FHOD3: variants seen among roughly 807,000 people sequenced by gnomAD.
FHOD3 encodes the protein formin homology 2 domain containing 3.
FHOD3 carries 90 observed loss-of-function variants against 173.0 expected under a neutral mutation model. The observed-to-expected ratio is 0.52, with a 90% CI of 0.44 to 0.62. The LOEUF (loss-of-function observed/expected upper bound fraction) is 0.62, where lower values mean the gene tolerates loss of function less well. FHOD3 is among the 20% of genes least tolerant of loss of function. FHOD3 has a pLI of 0.00. For synonymous variants in FHOD3, 828 were observed against 823.0 expected (o/e 1.01, Z -0.10); for missense variants, 1,945 against 2,034.7 (o/e 0.96, Z 0.85).
intron 5 of FHOD3, among the ~76,000 whole-genome samples, chr18:36,530,916 T>G (rs1266412253): frequency 6.6e-6 from 1 of 152,160 alleles, no homozygotes; most frequent in African/African-American, 2.4e-5. Context: ...AGTGACTGTG[T>G]GACTGAGATG....
At chr18:36,702,463 C>T (rs2039643114) in intron 17 of FHOD3, among the ~76,000 whole-genome samples, 1 of 152,152 alleles carries the variant, frequency 6.6e-6, no homozygotes, top group African/African-American at 2.4e-5. Context: ...TTTCAGATTT[C>T]TGTGATTAAA....
intron 3 of FHOD3, among the ~76,000 whole-genome samples, chr18:36,447,951 A>G (rs2051595022): frequency 6.6e-6 from 1 of 152,202 alleles, no homozygotes; most frequent in South Asian, 2.1e-4. Flanking sequence ...AGGAGACAGG[A>G]GGACTGGGGA....
At chr18:36,333,004 T>G (rs1568133870) in intron 1 of FHOD3, among the ~76,000 whole-genome samples, 1 of 152,252 alleles carries the variant, frequency 6.6e-6, no homozygotes, top group Non-Finnish European at 1.5e-5. Context: ...GCCTCATTCA[T>G]GTTTGCTATG....
At chr18:36,555,069 C>T (rs542785649) in intron 5 of FHOD3, among the ~76,000 whole-genome samples, 61 of 151,940 alleles carry the variant, frequency 4.0e-4, no homozygotes, top group Non-Finnish European at 7.2e-4. Context: ...TATTATTACC[C>T]GTATTTTGTG....
At chr18:36,472,616 CTG>C (rs1372017751) in intron 3 of FHOD3, among the ~76,000 whole-genome samples, 2 of 152,184 alleles carry the variant, frequency 1.3e-5, no homozygotes, top group African/African-American at 4.8e-5. Context: ...ACTTCTGTCT[CTG>C]TGCTTTTGCC....
chr18:36,346,056 T>A (rs1210765527), intron 1 of FHOD3, among the ~76,000 whole-genome samples: 1 of 152,164 alleles, frequency 6.6e-6, no homozygotes, highest in Non-Finnish European at 1.5e-5. Flanking sequence ...TTTTTAGACA[T>A]AACACGTTAA....
At position 36,392,392 on chromosome 18, in the gene FHOD3, T is replaced by G. The variant is rs2048343995; in HGVS notation, c.337+19648T>G. Among the ~76,000 whole-genome samples the G allele has an allele frequency of 2.0e-5, 3 of 151,892 alleles. No homozygotes were observed. In the South Asian group the frequency reaches 6.2e-4, roughly 32 times the overall value. On this transcript the variant is annotated intron_variant, in intron 3 of 28. Coordinates refer to ENST00000590592, the MANE Select transcript of FHOD3 (RefSeq NM_001281740.3). Reference sequence around the variant, plus strand: ...CGAGCTGAAATATCAGACTGTGGAGTCATCTTCCTTTTCTTCCCAAAACCC... The same window carrying G: ...CGAGCTGAAATATCAGACTGTGGAGGCATCTTCCTTTTCTTCCCAAAACCC...
At chr18:36,639,531 C>T (rs1185297447) in intron 10 of FHOD3, among the ~76,000 whole-genome samples, 6 of 152,016 alleles carry the variant, frequency 3.9e-5, no homozygotes, top group East Asian at 1.9e-4. Flanking sequence ...GGCGTGGTGG[C>T]GGGTGCCTGT....
intron 3 of FHOD3, among the ~76,000 whole-genome samples, chr18:36,478,315 A>G (rs192639655): frequency 3.9e-5 from 6 of 152,292 alleles, no homozygotes; most frequent in Middle Eastern, 3.4e-3. Flanking sequence ...GTAGGGGTAT[A>G]TATTTATGGG....
chr18:36,765,665 C>T (rs2043108539), intron 27 of FHOD3, among the ~76,000 whole-genome samples: 1 of 152,058 alleles, frequency 6.6e-6, no homozygotes, highest in South Asian at 2.1e-4. Flanking sequence ...AATGGATATT[C>T]CAGAACTACA....
chr18:36,677,210 G>A (rs368329568), intron 14 of FHOD3, among the ~76,000 whole-genome samples: 11 of 151,594 alleles, frequency 7.3e-5, no homozygotes, highest in African/African-American at 2.7e-4. Context: ...CCAGGCTGGA[G>A]TGCAGTGGTG....
chr18:36,474,906 C>T (rs1048171288), intron 3 of FHOD3, among the ~76,000 whole-genome samples: 3 of 151,458 alleles, frequency 2.0e-5, no homozygotes, highest in African/African-American at 7.3e-5. Flanking sequence ...GTCAAAGCTG[C>T]CTGGGGTACA....
At chr18:36,617,053 G>A (rs1042457740) in intron 9 of FHOD3, among the ~76,000 whole-genome samples, 4 of 152,192 alleles carry the variant, frequency 2.6e-5, no homozygotes, top group African/African-American at 9.6e-5. Flanking sequence ...ATGCCCCAGA[G>A]AGTCATGGCT....
At chr18:36,556,275 T>C (rs2057880359) in intron 5 of FHOD3, among the ~76,000 whole-genome samples, 1 of 152,182 alleles carries the variant, frequency 6.6e-6, no homozygotes, top group African/African-American at 2.4e-5. Flanking sequence ...CACTTATATA[T>C]GAATTTTTTT....
chr18:36,675,613 C>A (rs2037806285), intron 14 of FHOD3, among the ~76,000 whole-genome samples: 1 of 152,202 alleles, frequency 6.6e-6, no homozygotes, highest in South Asian at 2.1e-4. Flanking sequence ...ATTCACTCAG[C>A]TGTTGCCAGT....
chr18:36,431,542 G>C (rs950488414), intron 3 of FHOD3, among the ~76,000 whole-genome samples: 1 of 152,212 alleles, frequency 6.6e-6, no homozygotes, highest in Non-Finnish European at 1.5e-5. Context: ...ATTTGACTTG[G>C]GTATGAGCAG....
chr18:36,457,797 G>T (rs1030931084), intron 3 of FHOD3, among the ~76,000 whole-genome samples: 7 of 152,224 alleles, frequency 4.6e-5, no homozygotes, highest in African/African-American at 1.7e-4. Flanking sequence ...GGATGTCACA[G>T]CCTGGAAATA....
intron 6 of FHOD3, among the ~76,000 whole-genome samples, chr18:36,592,352 C>A (rs749414785): frequency 7.2e-5 from 11 of 152,182 alleles, no homozygotes; most frequent in Non-Finnish European, 1.6e-4. Context: ...ATGACTGGTT[C>A]CAGGTGGCTT....
At chr18:36,356,218 A>G (rs2046353769) in intron 2 of FHOD3, among the ~76,000 whole-genome samples, 1 of 152,266 alleles carries the variant, frequency 6.6e-6, no homozygotes, top group Non-Finnish European at 1.5e-5. Flanking sequence ...AGATAGTTTT[A>G]TACGGTATCA....
Sources: allele counts gnomAD v4.1 joint callset (sites outside exome capture counted in the v4.1 genomes callset), GRCh38; gene constraint gnomAD v4.1.1; transcripts MANE v1.5; gene names NCBI Gene and HGNC (gene_info 2026-07-23, HGNC 2026-07-21).